The following PSMA3 variants were observed in gnomAD, a reference collection of about 807,000 sequenced individuals.
PSMA3 encodes the protein proteasome 20S subunit alpha 3, also known as proteasome subunit alpha type-3.
PSMA3 carries 8 observed loss-of-function variants against 40.0 expected under a neutral mutation model. That is an observed-to-expected ratio of 0.20 (90% CI 0.12 to 0.36). PSMA3 has a LOEUF of 0.36. Among genes scored for constraint, PSMA3 ranks in the 10% least tolerant of loss-of-function variants. The probability of loss-of-function intolerance (pLI) is 1.00; values close to 1 mark genes in which losing one functional copy is unlikely to be tolerated. For synonymous variants in PSMA3, 110 were observed against 100.0 expected, an observed-to-expected ratio of 1.10 and a Z score of -0.59; for missense variants, 219 against 310.6, an observed-to-expected ratio of 0.70 and a Z score of 2.22.
At chr14:58,257,150 G>A (rs1016549875) in intron 3 of PSMA3, among the ~76,000 whole-genome samples, 17 of 150,034 alleles carry the variant, frequency 1.1e-4, no homozygotes, top group Non-Finnish European at 1.9e-4. Context: ...GTTTTTATTC[G>A]TTATAATGAG....
intron 3 of PSMA3, among the ~76,000 whole-genome samples, chr14:58,254,340 A>ATATG (rs1555352270): frequency 2.9e-5 from 1 of 34,806 alleles, no homozygotes; most frequent in African/African-American, 9.6e-5. Flanking sequence ...ATGCATATAT[A>ATATG]TATGTATGTA....
chr14:58,248,270 C>G (rs1206362202), intron 2 of PSMA3, among the ~76,000 whole-genome samples: 1 of 152,224 alleles, frequency 6.6e-6, no homozygotes, highest in Admixed American at 6.5e-5. Flanking sequence ...CACTCTGTCA[C>G]CTAGGCTAGA....
At chr14:58,260,852 C>A in intron 5 of PSMA3, 96 bp from the exon 6 acceptor site, 1 of 849,662 alleles carries the variant, frequency 1.2e-6, no homozygotes, top group South Asian at 1.7e-5. Flanking sequence ...AGTAATTTAT[C>A]TCAGAAAGAA....
intron 3 of PSMA3, among the ~76,000 whole-genome samples, chr14:58,252,467 C>G (rs147781378): frequency 1.6e-4 from 25 of 152,112 alleles, no homozygotes; most frequent in Non-Finnish European, 2.8e-4. Flanking sequence ...GGGGAGTATG[C>G]GTAGAAATGA....
Position 58,250,220 on chromosome 14 carries a change from CA to C in PSMA3, c.105-1883del, listed in dbSNP as rs10634649. 1.5e-3 allele frequency among the ~76,000 whole-genome samples: 141 copies of C among 93,010 alleles called. 1 individual carries two copies. The highest frequency in any genetic ancestry group is 2.3e-3 in the African/African-American group (53 of 22,636). 61.0% of individuals were successfully genotyped at this position (93,010 alleles called of 152,430 possible). ...GGGCAACAGAGCGAGACTCCATCTC[CA>C]AAAAAAAAAAAAAAATAGGGACAGA... On this transcript the variant is annotated intron_variant, in intron 2 of 10. Transcript: ENST00000216455.
intron 1 of PSMA3, among the ~76,000 whole-genome samples, chr14:58,247,220 CTCTT>C (rs1219712531): frequency 6.6e-6 from 1 of 152,172 alleles, no homozygotes; most frequent in African/African-American, 2.4e-5. Context: ...CATTGCTTTA[CTCTT>C]TTATTTTCAT....
intron 5 of PSMA3, among the ~76,000 whole-genome samples, chr14:58,259,808 T>C (rs1161617881): frequency 6.6e-6 from 1 of 152,162 alleles, no homozygotes; most frequent in Non-Finnish European, 1.5e-5. Flanking sequence ...CAGGAACTGG[T>C]ATGAAAATAC....
At chr14:58,249,007 C>T (rs1470256526) in intron 2 of PSMA3, among the ~76,000 whole-genome samples, 1 of 152,118 alleles carries the variant, frequency 6.6e-6, no homozygotes, top group South Asian at 2.1e-4. Context: ...CTCTTGTTGC[C>T]CAGGCTGGAG....
chr14:58,266,312 T>C (rs539258799), intron 7 of PSMA3: 2 of 152,314 alleles, frequency 1.3e-5, no homozygotes, highest in African/African-American at 2.4e-5. Context: ...TAGTTTAATA[T>C]ATAGTAGTTG....
chr14:58,265,689 CAT>C (rs113929164), intron 7 of PSMA3: 4 of 152,332 alleles, frequency 2.6e-5, no homozygotes, highest in African/African-American at 9.6e-5. Context: ...ACTTCACAAA[CAT>C]GTAAAAAATA....
intron 7 of PSMA3, chr14:58,266,820 A>C (rs531625956): frequency 1.9e-4 from 29 of 152,298 alleles, no homozygotes; most frequent in Middle Eastern, 3.4e-3. Flanking sequence ...AGTAAATATT[A>C]ATGACTTGTT....
chr14:58,270,883 C>T, intron 9 of PSMA3, 51 bp from the exon 10 acceptor site: 2 of 1,442,416 alleles, frequency 1.4e-6, no homozygotes, highest in South Asian at 1.2e-5. Context: ...CTGCAAGTTA[C>T]AATATGGTAC....
chr14:58,248,009 C>T (rs757188349), intron 2 of PSMA3, among the ~76,000 whole-genome samples, 177 bp downstream of exon 2: 1 of 152,130 alleles, frequency 6.6e-6, no homozygotes, highest in Non-Finnish European at 1.5e-5. Flanking sequence ...CTATATTTCT[C>T]GTTGATTCCA....
intron 7 of PSMA3, chr14:58,265,797 T>C (rs1890423444): frequency 6.6e-6 from 1 of 152,204 alleles, no homozygotes; most frequent in Non-Finnish European, 1.5e-5. Context: ...AATTTAAAGA[T>C]CAGCATTCTT....
chr14:58,261,087 C>T (rs1328700745), intron 6 of PSMA3, 67 bp downstream of exon 6: 6 of 1,044,366 alleles, frequency 5.7e-6, no homozygotes, highest in Non-Finnish European at 8.6e-6. Flanking sequence ...ATTTAAGTCT[C>T]ATTATAAGAT....
intron 3 of PSMA3, among the ~76,000 whole-genome samples, chr14:58,256,747 A>T (rs889248086): frequency 6.6e-6 from 1 of 152,120 alleles, no homozygotes; most frequent in African/African-American, 2.4e-5. Context: ...TGGCACTCAA[A>T]AAGTTTCAGA....
intron 7 of PSMA3, among the ~76,000 whole-genome samples, chr14:58,264,001 G>A (rs890444637): frequency 6.6e-6 from 1 of 152,240 alleles, no homozygotes; most frequent in Non-Finnish European, 1.5e-5. Flanking sequence ...GGCTGGGGAA[G>A]CTCGGTGTAA....
chr14:58,270,876 C>A, intron 9 of PSMA3, 58 bp from the exon 10 acceptor site: 2 of 1,393,810 alleles, frequency 1.4e-6, no homozygotes, highest in South Asian at 2.5e-5. Flanking sequence ...TGGTATACTG[C>A]AAGTTACAAT....
chr14:58,263,768 C>A lies in PSMA3; in HGVS notation c.541C>A (p.Gln181Lys), dbSNP rs1440263912. Residue 181 changes from glutamine to lysine, a missense_variant and splice_region_variant, in exon 7 of 11, where the codon CAG becomes AAG. By Grantham distance (53) the Gln-to-Lys change is moderately conservative. Transcript: ENST00000216455. ...QAAKTEIEKL[Q>K]MKEMTCRDIV... ...TGCAAAGACGGAAATAGAGAAGCTT[C>A]AGGTAATAATTAATGCTTGAATTTT... 1 of 1,613,510 alleles carries A rather than the reference C, an allele frequency of 6.2e-7. No individual in the cohort carries two copies. Among genetic ancestry groups the A allele is most frequent in the Non-Finnish European group, 8.5e-7 (1 of 1,179,588 alleles).
Sources: allele counts gnomAD v4.1 joint callset (sites outside exome capture counted in the v4.1 genomes callset), GRCh38; gene constraint gnomAD v4.1.1; transcripts MANE v1.5; gene names NCBI Gene and HGNC (gene_info 2026-07-23, HGNC 2026-07-21).